ARHGAP6: variants seen among roughly 807,000 people sequenced by gnomAD.
The protein encoded by ARHGAP6 is rho GTPase-activating protein 6.
Under a neutral mutation model 55.7 loss-of-function variants are expected in ARHGAP6, and 16 were observed. The ratio of observed to expected loss-of-function variants is 0.29; its 90% CI spans 0.19 to 0.44. The LOEUF is 0.44. Among genes scored for constraint, ARHGAP6 ranks in the 20% least tolerant of loss-of-function variants. The probability of loss-of-function intolerance (pLI) is 1.00; values close to 1 mark genes in which losing one functional copy is unlikely to be tolerated. For synonymous variants in ARHGAP6, 382 were observed against 360.9 expected (o/e 1.06, Z -0.66); for missense variants, 698 against 808.9 (o/e 0.86, Z 1.66).
At chrX:11,651,872 C>T (rs1174346103) in intron 1 of ARHGAP6, among the ~76,000 whole-genome samples, 1 of 112,051 alleles carries the variant, frequency 8.9e-6, no homozygotes, top group East Asian at 2.8e-4. Flanking sequence ...TTTTGATTTG[C>T]ATTTCTCTAA....
At chrX:11,390,802 T>A (rs747143792) in intron 1 of ARHGAP6, among the ~76,000 whole-genome samples, 1 of 111,832 alleles carries the variant, frequency 8.9e-6, no homozygotes, top group African/African-American at 3.2e-5. Context: ...ATCATTCAAA[T>A]GTCAGGAAAC....
At chrX:11,140,052 C>T (rs2045597899) in intron 12 of ARHGAP6, among the ~76,000 whole-genome samples, 1 of 111,313 alleles carries the variant, frequency 9.0e-6, no homozygotes. Flanking sequence ...GAAAGGCTGA[C>T]TTGGTGATCA....
chrX:11,376,957 A>T (rs756913721), intron 1 of ARHGAP6, among the ~76,000 whole-genome samples: 3 of 111,722 alleles, frequency 2.7e-5, no homozygotes, highest in African/African-American at 6.5e-5. Flanking sequence ...CCATAGTAAA[A>T]CCATGATTGC....
chrX:11,153,634 A>C (rs1483314266), intron 10 of ARHGAP6, among the ~76,000 whole-genome samples: 6 of 108,691 alleles, frequency 5.5e-5, no homozygotes, highest in African/African-American at 2.0e-4. Context: ...TAACATATGC[A>C]TTTTTACTTC....
intron 1 of ARHGAP6, among the ~76,000 whole-genome samples, chrX:11,342,196 T>A (rs1287791166): frequency 1.8e-5 from 2 of 112,018 alleles, no homozygotes; most frequent in African/African-American, 6.5e-5. Context: ...TAGGTACATT[T>A]TTTAATCCTT....
At chrX:11,651,533 T>C (rs1053983219) in intron 1 of ARHGAP6, among the ~76,000 whole-genome samples, 5 of 112,393 alleles carry the variant, frequency 4.4e-5, no homozygotes, top group African/African-American at 1.6e-4. Flanking sequence ...CTTTATCCAG[T>C]CTATCATTGA....
intron 1 of ARHGAP6, among the ~76,000 whole-genome samples, chrX:11,504,056 TG>T (rs113658072): frequency 0.088 from 9,534 of 108,846 alleles, 504 homozygotes; most frequent in East Asian, 0.18. Context: ...CAATTTTTTT[TG>T]GGGGGGGGCT....
intron 9 of ARHGAP6, among the ~76,000 whole-genome samples, chrX:11,163,805 A>G (rs2045981227): frequency 8.9e-6 from 1 of 112,234 alleles, no homozygotes; most frequent in Non-Finnish European, 1.9e-5. Flanking sequence ...TTGGCAATTC[A>G]GGTACATTAG....
chrX:11,212,928 C>T (rs1261381179), intron 2 of ARHGAP6, among the ~76,000 whole-genome samples: 1 of 113,080 alleles, frequency 8.8e-6, no homozygotes, highest in Non-Finnish European at 1.9e-5. Context: ...CCGTGCTCCT[C>T]GCTGATTGGT....
At chrX:11,320,766 TACACACACACACACAC>T (rs56815077) in intron 1 of ARHGAP6, among the ~76,000 whole-genome samples, 1,303 of 85,650 alleles carry the variant, frequency 0.015, 19 homozygotes, top group African/African-American at 0.05. Flanking sequence ...AATATCTCTT[TACACACACACACACAC>T]ACACACACAC....
At chrX:11,342,544 G>T (rs191738651) in intron 1 of ARHGAP6, among the ~76,000 whole-genome samples, 1 of 111,884 alleles carries the variant, frequency 8.9e-6, no homozygotes, top group East Asian at 2.8e-4. Context: ...TTCAATGAAA[G>T]TGTCATTATC....
chrX:11,493,571 G>T (rs1049247884), intron 1 of ARHGAP6, among the ~76,000 whole-genome samples: 1 of 111,700 alleles, frequency 9.0e-6, no homozygotes, highest in African/African-American at 3.3e-5. Context: ...CTGTGTTTGT[G>T]TTACCAACTG....
chrX:11,622,202 T>A (rs2052238060), intron 1 of ARHGAP6, among the ~76,000 whole-genome samples: 1 of 112,107 alleles, frequency 8.9e-6, no homozygotes, highest in African/African-American at 3.2e-5. Flanking sequence ...ATTTTGTGTG[T>A]CTCATCAATG....
chrX:11,518,601 T>C (rs1373314816), intron 1 of ARHGAP6, among the ~76,000 whole-genome samples: 1 of 107,524 alleles, frequency 9.3e-6, no homozygotes, highest in Non-Finnish European at 1.9e-5. Context: ...AAAAAATCTC[T>C]TCCTCAAGGC....
chrX:11,255,162 A>G lies in ARHGAP6; in HGVS notation c.589-455T>C, dbSNP rs766820563. Among the ~76,000 whole-genome samples, 67 of 111,827 alleles carry G rather than the reference A, an allele frequency of 6.0e-4. 1 individual carries two copies. The highest frequency in any genetic ancestry group is 2.2e-3 in the African/African-American group (67 of 30,811). On this transcript the variant is annotated intron_variant, in intron 1 of 12. Coordinates refer to ENST00000337414, the MANE Select transcript of ARHGAP6 (RefSeq NM_013427.3). ...TAAAATTGGCAAATAAAAATCGTAC[A>G]TATTCATGGGGCACATGGTGATATT... is the stretch of plus-strand genomic sequence containing the variant.
intron 1 of ARHGAP6, among the ~76,000 whole-genome samples, chrX:11,491,746 T>G (rs185667543): frequency 0.069 from 7,561 of 109,837 alleles, 378 homozygotes; most frequent in East Asian, 0.15. Context: ...GGATGGCTGG[T>G]TCAAATGGTA....
intron 1 of ARHGAP6, among the ~76,000 whole-genome samples, chrX:11,650,349 G>C (rs941735750): frequency 1.3e-4 from 14 of 111,670 alleles, no homozygotes; most frequent in Admixed American, 5.7e-4. Context: ...TTTATTTTTA[G>C]ATTGGTTTTA....
At chrX:11,654,155 G>T (rs181137167) in intron 1 of ARHGAP6, among the ~76,000 whole-genome samples, 1 of 111,447 alleles carries the variant, frequency 9.0e-6, no homozygotes, top group African/African-American at 3.3e-5. Flanking sequence ...GAGGCAGCAT[G>T]GCTATTGTTG....
chrX:11,614,167 G>A lies in ARHGAP6; in HGVS notation c.588+50074C>T, dbSNP rs2052136010. Among the ~76,000 whole-genome samples, 11 of 111,584 alleles carry A rather than the reference G, an allele frequency of 9.9e-5. No homozygotes were observed. In the Admixed American group the frequency reaches 1.0e-3, roughly 11 times the overall value. ...TGCTGGGCAGACATGTGGCACACAA[G>A]CAGGATCACACCCCTATACCTCTCA... is the stretch of plus-strand genomic sequence containing the variant. On this transcript the variant is annotated intron_variant, in intron 1 of 12. Transcript: ENST00000337414.
Sources: allele counts gnomAD v4.1 joint callset (sites outside exome capture counted in the v4.1 genomes callset), GRCh38; gene constraint gnomAD v4.1.1; transcripts MANE v1.5; gene names NCBI Gene and HGNC (gene_info 2026-07-23, HGNC 2026-07-21).